The following IGSF11 variants were observed in gnomAD, a reference collection of about 807,000 sequenced individuals.
The protein encoded by IGSF11 is CXADR like 1.
Under a neutral mutation model 41.0 loss-of-function variants are expected in IGSF11, and 22 were observed. The ratio of observed to expected loss-of-function variants is 0.54; its 90% CI spans 0.38 to 0.77. The LOEUF is 0.77. Among genes scored for constraint, IGSF11 ranks in the 30% least tolerant of loss-of-function variants. The pLI, the probability that IGSF11 is intolerant of heterozygous loss-of-function variation, is 0.00. For missense variants in IGSF11, 444 were observed against 530.8 expected (o/e 0.84, Z 1.61); for synonymous variants, 219 against 201.3 (o/e 1.09, Z -0.74).
chr3:118,913,665 T>C (rs190898643), intron 4 of IGSF11, among the ~76,000 whole-genome samples: 166 of 152,274 alleles, frequency 1.1e-3, no homozygotes, highest in African/African-American at 3.8e-3. Flanking sequence ...GTGTGTACTT[T>C]ACTATAAGAA....
intron 1 of IGSF11, among the ~76,000 whole-genome samples, chr3:118,974,361 T>C (rs895677340): frequency 2.0e-5 from 3 of 152,148 alleles, no homozygotes; most frequent in South Asian, 2.1e-4. Flanking sequence ...CTGAGAAAGA[T>C]CCGTTGGAAG....
At chr3:119,092,289 AT>A (rs1553728497) in intron 1 of IGSF11, among the ~76,000 whole-genome samples, 1 of 152,274 alleles carries the variant, frequency 6.6e-6, no homozygotes, top group African/African-American at 2.4e-5. Context: ...TAAAGAAAAA[AT>A]TTTTAATAAA....
chr3:119,079,079 C>G (rs773303537), intron 1 of IGSF11, among the ~76,000 whole-genome samples: 7 of 151,972 alleles, frequency 4.6e-5, no homozygotes, highest in African/African-American at 9.7e-5. Flanking sequence ...AAAAATAGGC[C>G]GGGCATGGTA....
At chr3:119,031,109 T>G (rs933097710) in intron 1 of IGSF11, among the ~76,000 whole-genome samples, 5 of 151,824 alleles carry the variant, frequency 3.3e-5, no homozygotes, top group Admixed American at 2.0e-4. Flanking sequence ...ATACAAAAAT[T>G]AGCCAAGTGT....
At chr3:119,042,245 C>G (rs946114720) in intron 1 of IGSF11, among the ~76,000 whole-genome samples, 4 of 152,208 alleles carry the variant, frequency 2.6e-5, no homozygotes, top group African/African-American at 9.6e-5. Context: ...AGGCAGCCAG[C>G]AGAATCAGAG....
intron 1 of IGSF11, among the ~76,000 whole-genome samples, chr3:119,100,800 AG>A (rs989100436): frequency 3.9e-5 from 6 of 152,322 alleles, no homozygotes; most frequent in African/African-American, 9.6e-5. Flanking sequence ...AGTTACATCC[AG>A]GGGGCATCTG....
intron 1 of IGSF11, among the ~76,000 whole-genome samples, chr3:119,075,690 T>C (rs1391942486): frequency 6.6e-6 from 1 of 152,188 alleles, no homozygotes; most frequent in Admixed American, 6.5e-5. Flanking sequence ...AATCAATAAA[T>C]GTGATTCATC....
intron 1 of IGSF11, among the ~76,000 whole-genome samples, chr3:119,045,092 TA>T (rs896228782): frequency 2.6e-5 from 4 of 152,116 alleles, no homozygotes; most frequent in African/African-American, 9.7e-5. Context: ...ATGCTCCACT[TA>T]AAAAATAGAG....
intron 1 of IGSF11, among the ~76,000 whole-genome samples, chr3:119,081,290 C>T (rs1208176290): frequency 1.3e-5 from 2 of 152,034 alleles, no homozygotes; most frequent in African/African-American, 2.4e-5. Context: ...CCTTGCTTCT[C>T]CTCATAATCT....
At chr3:118,955,241 CACACACACACACAT>C (rs1944873941) in intron 1 of IGSF11, among the ~76,000 whole-genome samples, 1 of 151,680 alleles carries the variant, frequency 6.6e-6, no homozygotes, top group South Asian at 2.1e-4. Flanking sequence ...CACACACACA[CACACACACACACAT>C]ACACACACAC....
At chr3:118,946,828 A>G (rs1944179666) in intron 1 of IGSF11, among the ~76,000 whole-genome samples, 1 of 152,196 alleles carries the variant, frequency 6.6e-6, no homozygotes, top group Non-Finnish European at 1.5e-5. Context: ...ACAAATGCAC[A>G]TGGCCGGGCG....
chr3:119,016,913 G>A (rs775241038), intron 1 of IGSF11, among the ~76,000 whole-genome samples: 2 of 151,916 alleles, frequency 1.3e-5, no homozygotes, highest in Non-Finnish European at 2.9e-5. Context: ...ATCATGTATT[G>A]TTTATGAAAT....
At chr3:118,920,630 C>T (rs918280594) in intron 4 of IGSF11, among the ~76,000 whole-genome samples, 10 of 129,642 alleles carry the variant, frequency 7.7e-5, no homozygotes, top group African/African-American at 1.2e-4. Context: ...TTATTAAACA[C>T]AGAGAAAAAC....
At chr3:119,044,766 A>G (rs1941254017) in intron 1 of IGSF11, among the ~76,000 whole-genome samples, 1 of 152,210 alleles carries the variant, frequency 6.6e-6, no homozygotes, top group Non-Finnish European at 1.5e-5. Flanking sequence ...TCTTAAACAA[A>G]ATAATTATCA....
intron 1 of IGSF11, among the ~76,000 whole-genome samples, chr3:119,125,258 C>G (rs954514992): frequency 6.6e-6 from 1 of 152,118 alleles, no homozygotes; most frequent in African/African-American, 2.4e-5. Context: ...GAAGCAGCTG[C>G]GTTTGGAGGC....
At chr3:119,118,904 A>G (rs1454358429) in intron 1 of IGSF11, among the ~76,000 whole-genome samples, 1 of 152,210 alleles carries the variant, frequency 6.6e-6, no homozygotes, top group African/African-American at 2.4e-5. Flanking sequence ...CTCTGTGCTA[A>G]AATGTAACAA....
intron 1 of IGSF11, among the ~76,000 whole-genome samples, chr3:119,087,929 A>G (rs751569604): frequency 2.6e-5 from 4 of 152,176 alleles, no homozygotes; most frequent in Non-Finnish European, 5.9e-5. Flanking sequence ...TTCATAAAAC[A>G]AGTTCTTCTT....
intron 4 of IGSF11, among the ~76,000 whole-genome samples, chr3:118,906,693 T>G (rs1472828824): frequency 6.6e-5 from 10 of 152,216 alleles, no homozygotes; most frequent in Non-Finnish European, 1.3e-4. Flanking sequence ...CACATTTTAG[T>G]AATTCATCAA....
chr3:119,063,737 A>G (rs1942129468), intron 1 of IGSF11, among the ~76,000 whole-genome samples: 1 of 152,226 alleles, frequency 6.6e-6, no homozygotes, highest in Non-Finnish European at 1.5e-5. Flanking sequence ...TTATATTGTA[A>G]GTCTTCCTGA....
Sources: gnomAD v4.1 joint callset for allele counts (sites outside exome capture counted in the v4.1 genomes callset) on GRCh38, gnomAD v4.1.1 for gene constraint, MANE v1.5 for transcripts, NCBI Gene and HGNC (gene_info 2026-07-23, HGNC 2026-07-21) for gene names.